The following PXK variants were observed in gnomAD, a reference collection of about 807,000 sequenced individuals.
PXK encodes the protein PX domain-containing protein kinase-like protein.
In PXK, 35 loss-of-function variants were observed where a neutral mutation model predicts 84.7. That is an observed-to-expected ratio of 0.41 (90% confidence interval 0.32 to 0.55). PXK has a LOEUF of 0.55. Among genes scored for constraint, PXK ranks in the 20% least tolerant of loss-of-function variants. The pLI is 0.21. For synonymous variants in PXK, 253 were observed against 260.8 expected (o/e 0.97, Z 0.29); for missense variants, 634 against 699.7 (o/e 0.91, Z 1.06).
intron 17 of PXK, among the ~76,000 whole-genome samples, chr3:58,418,801 C>A (rs1019751998): frequency 3.9e-5 from 6 of 152,040 alleles, no homozygotes; most frequent in Non-Finnish European, 7.4e-5. Flanking sequence ...TGTAGAAAAC[C>A]CAGTTTGCAA....
rs1313457007 is a variant in PXK at position 58,412,287 on chromosome 3, A to G, written c.1466-614A>G. ...AGAACTTGGGAATATTTGAAATATAATAAGGTTACTAGATCCAGAAAAAGC... is the reference window on the plus strand; with the variant it reads ...AGAACTTGGGAATATTTGAAATATAGTAAGGTTACTAGATCCAGAAAAAGC... On this transcript the variant is annotated intron_variant, in intron 16 of 17. Transcript: ENST00000356151. The surrounding 1 kb of genome is among the most constrained non-coding windows in gnomAD (Gnocchi z 6.2). Among the ~76,000 whole-genome samples the G allele has an allele frequency of 2.6e-5, 4 of 152,148 alleles. No homozygotes were observed. The highest frequency in any genetic ancestry group is 4.1e-4 in the South Asian group (2 of 4,826).
intron 13 of PXK, among the ~76,000 whole-genome samples, chr3:58,404,961 C>A (rs2059162027): frequency 6.6e-6 from 1 of 152,160 alleles, no homozygotes; most frequent in East Asian, 1.9e-4. Flanking sequence ...GTCTTCTTCA[C>A]TGAAGCATCT....
chr3:58,349,116 C>T (rs2097873679), intron 1 of PXK, among the ~76,000 whole-genome samples: 2 of 150,698 alleles, frequency 1.3e-5, no homozygotes, highest in Admixed American at 1.3e-4. Context: ...TGCCTGTAGC[C>T]CCAGTTACTA....
At chr3:58,366,099 G>A (rs915225298) in intron 2 of PXK, among the ~76,000 whole-genome samples, 175 bp downstream of exon 2, 2 of 152,066 alleles carry the variant, frequency 1.3e-5, no homozygotes, top group African/African-American at 4.8e-5. Context: ...AGTCTTTCCT[G>A]TCCCCAGTTG....
rs2059959835 is a variant in PXK at position 58,409,993 on chromosome 3, G to T, written c.1396-97G>T. 1.3e-6 allele frequency: 1 copy of T among 764,352 alleles called. No individual in the cohort carries two copies. Among genetic ancestry groups the T allele is most frequent in the East Asian group, 2.6e-5 (1 of 38,388 alleles). The allele number at this position is 764,352 out of a possible 1,614,324, so 47.3% of individuals were successfully genotyped here. Reference sequence around the variant, plus strand: ...TACCTTGTCTGCAGCTAGTTTAATGGTATGCCTGGAAAATATTTTTATTCT... The same window carrying T: ...TACCTTGTCTGCAGCTAGTTTAATGTTATGCCTGGAAAATATTTTTATTCT... On this transcript the variant is annotated intron_variant, in intron 15 of 17. Coordinates refer to ENST00000356151, the MANE Select transcript of PXK (RefSeq NM_017771.5). This position sits in a 1 kb window ranked among gnomAD's most constrained non-coding sequence, Gnocchi z 4.2.
intron 17 of PXK, among the ~76,000 whole-genome samples, chr3:58,419,617 G>T (rs541072982): frequency 2.0e-4 from 30 of 152,354 alleles, no homozygotes; most frequent in African/African-American, 7.0e-4. Context: ...TTTTAGGTAT[G>T]ATGGCTTGCT....
At chr3:58,395,580 C>A (rs1329035042) in intron 8 of PXK, 78 bp from the exon 9 acceptor site, 2 of 1,145,020 alleles carry the variant, frequency 1.7e-6, no homozygotes, top group African/African-American at 1.6e-5. Context: ...TCTGTAGAAT[C>A]CTGCCTGGTC....
Position 58,333,554 on chromosome 3 carries a change from A to G in PXK, c.102+464A>G, listed in dbSNP as rs917982534. The G allele has an allele frequency of 4.4e-6, 2 of 456,694 alleles. No homozygotes were observed. The highest frequency in any genetic ancestry group is 8.8e-6 in the Non-Finnish European group (2 of 226,950). The allele number at this position is 456,694 out of a possible 1,614,324, so 28.3% of individuals were successfully genotyped here. A position where few individuals can be genotyped will look rare whatever the true frequency, so the allele number is the denominator to read the frequency against. On this transcript the variant is annotated intron_variant, in intron 1 of 17. Transcript: ENST00000356151. The surrounding 1 kb of genome is among the most constrained non-coding windows in gnomAD (Gnocchi z 5.4). ...GATGAGGGTGTGCCGGGCCAAATGA[A>G]GTGTGACTCCAGAGCCTACTTGTTG...
At position 58,409,645 on chromosome 3, in the gene PXK, C is replaced by T; in HGVS notation, c.1395+27C>T. The T allele has an allele frequency of 6.4e-7, 1 of 1,563,274 alleles. No homozygotes were observed. Among genetic ancestry groups the T allele is most frequent in the Non-Finnish European group, 8.7e-7 (1 of 1,144,148 alleles). ...TAAGCCTGCTGTCTCTCTGCAGTCC[C>T]TCTATGAGTTCTTGAGTACATGTGA... is the stretch of plus-strand genomic sequence containing the variant. On this transcript the variant is annotated intron_variant, in intron 15 of 17. Transcript: ENST00000356151. This position sits in a 1 kb window ranked among gnomAD's most constrained non-coding sequence, Gnocchi z 4.2.
chr3:58,374,600 G>A (rs57700771), intron 3 of PXK, among the ~76,000 whole-genome samples: 44,510 of 152,106 alleles, frequency 0.29, 7,294 homozygotes, highest in Middle Eastern at 0.39. Context: ...TAAAGAGGAA[G>A]GTAGTGAAAG....
chr3:58,408,598 C>T (rs969035909), intron 13 of PXK, among the ~76,000 whole-genome samples: 1 of 151,638 alleles, frequency 6.6e-6, no homozygotes, highest in African/African-American at 2.4e-5. Flanking sequence ...TCTCGGCTCT[C>T]TGCAAGCTCC....
chr3:58,406,465 G>A (rs1393179381), intron 13 of PXK, among the ~76,000 whole-genome samples: 1 of 149,332 alleles, frequency 6.7e-6, no homozygotes, highest in Non-Finnish European at 1.5e-5. Context: ...TTTTTGTAGA[G>A]ACAGAGTCTT....
chr3:58,349,138 G>A (rs1255633193), intron 1 of PXK, among the ~76,000 whole-genome samples: 1 of 151,820 alleles, frequency 6.6e-6, no homozygotes, highest in African/African-American at 2.4e-5. Flanking sequence ...GGAGGCTGAG[G>A]TGGGAGGATC....
intron 1 of PXK, among the ~76,000 whole-genome samples, chr3:58,345,367 T>A (rs555960280): frequency 6.6e-6 from 1 of 152,354 alleles, no homozygotes; most frequent in Admixed American, 6.5e-5. Flanking sequence ...AAAAATATTT[T>A]ATTTAGATCA....
chr3:58,354,699 C>G (rs941468054), intron 1 of PXK, among the ~76,000 whole-genome samples: 1 of 151,968 alleles, frequency 6.6e-6, no homozygotes, highest in Non-Finnish European at 1.5e-5. Flanking sequence ...TCGCCCACCT[C>G]GGCCTCCCAA....
At chr3:58,386,489 G>T (rs2098553048) in intron 4 of PXK, among the ~76,000 whole-genome samples, 1 of 151,482 alleles carries the variant, frequency 6.6e-6, no homozygotes, top group Non-Finnish European at 1.5e-5. Context: ...TAGAGATGGG[G>T]TTTCACGATG....
At chr3:58,395,820 G>A (rs909757059) in intron 9 of PXK, 61 bp downstream of exon 9, 3 of 1,384,280 alleles carry the variant, frequency 2.2e-6, no homozygotes, top group Non-Finnish European at 1.0e-6. Context: ...TTATTCACCT[G>A]GAAAAGTTCT....
chr3:58,352,843 C>T (rs889678845), intron 1 of PXK, among the ~76,000 whole-genome samples: 1 of 152,122 alleles, frequency 6.6e-6, no homozygotes, highest in Non-Finnish European at 1.5e-5. Flanking sequence ...AGGAGACCAT[C>T]CCACAGCGGA....
intron 1 of PXK, among the ~76,000 whole-genome samples, chr3:58,346,907 C>T (rs1026714225): frequency 1.2e-4 from 18 of 152,202 alleles, no homozygotes; most frequent in Admixed American, 9.8e-4. Flanking sequence ...GGTGCGATCT[C>T]GGCTCACTGC....
Sources: gnomAD v4.1 joint callset for allele counts (sites outside exome capture counted in the v4.1 genomes callset) on GRCh38, gnomAD v4.1.1 for gene constraint, Gnocchi (gnomAD v3.1) non-coding constraint, MANE v1.5 for transcripts, NCBI Gene and HGNC (gene_info 2026-07-23, HGNC 2026-07-21) for gene names.